DSCAM: variants seen among roughly 807,000 people sequenced by gnomAD.
DSCAM encodes the protein DS cell adhesion molecule, also known as cell adhesion molecule DSCAM.
A neutral mutation model predicts 217.7 loss-of-function variants in DSCAM; 47 were observed. The ratio of observed to expected loss-of-function variants is 0.22; its 90% CI spans 0.17 to 0.28. DSCAM has a LOEUF of 0.28. DSCAM is among the 10% of genes least tolerant of loss of function. The probability of loss-of-function intolerance (pLI) is 1.00; values close to 1 mark genes in which losing one functional copy is unlikely to be tolerated. For synonymous variants in DSCAM, 1,056 were observed against 1,015.3 expected (o/e 1.04, Z -0.76); for missense variants, 2,080 against 2,618.3 (o/e 0.79, Z 4.49).
chr21:40,233,077 T>C (rs1490980292), intron 11 of DSCAM, among the ~76,000 whole-genome samples: 1 of 152,140 alleles, frequency 6.6e-6, no homozygotes, highest in African/African-American at 2.4e-5. Flanking sequence ...CTATTGGGTA[T>C]TATGCTTATT....
Position 40,339,347 on chromosome 21 carries a change from T to G in DSCAM, c.1279A>C (p.Met427Leu). 6.2e-7 allele frequency: 1 copy of G among 1,614,070 alleles called. No individual in the cohort carries two copies. Among genetic ancestry groups the G allele is most frequent in the Non-Finnish European group, 8.5e-7 (1 of 1,180,008 alleles). Residue 427 changes from methionine (M) to leucine (L), a missense_variant, in exon 7 of 33, where the codon ATG (methionine) becomes CTG (leucine). By Grantham distance (15) the Met-to-Leu change is conservative. Transcript: ENST00000400454. ...VVSPAEPVSL[M>L]CNVKGTPLPT... ...AAAGGTGTTCCCTTCACGTTGCACA[T>G]AAGGGAAACCGGCTCTGCTGGACTC...
intron 3 of DSCAM, among the ~76,000 whole-genome samples, chr21:40,576,915 A>C (rs974607474): frequency 3.7e-4 from 56 of 152,008 alleles, no homozygotes; most frequent in African/African-American, 1.3e-3. Context: ...GAGTTAGAGA[A>C]AACGCCACAC....
At chr21:40,377,822 T>C (rs1377977244) in intron 3 of DSCAM, among the ~76,000 whole-genome samples, 1 of 152,114 alleles carries the variant, frequency 6.6e-6, no homozygotes, top group Non-Finnish European at 1.5e-5. Context: ...AGAGGACTTC[T>C]AAAGGATGCT....
In DSCAM at chr21:40,016,065, T is replaced by C. The variant is rs141725929; in HGVS notation, c.5687-2679A>G. On this transcript the variant is annotated intron_variant, in intron 32 of 32. Transcript: ENST00000400454. This position sits in a 1 kb window ranked among gnomAD's most constrained non-coding sequence, Gnocchi z 4.3. ...CTTGGCACACCTGTAACTCGTGACA[T>C]ACCAGGTGCAAAACTCTGTCTAGAG... Among the ~76,000 whole-genome samples the C allele has an allele frequency of 2.5e-3, 380 of 152,306 alleles. No individual in the cohort carries two copies. Among genetic ancestry groups the C allele is most frequent in the Non-Finnish European group, 3.9e-3 (262 of 68,020 alleles).
Position 40,455,053 on chromosome 21 carries a change from T to G in DSCAM, c.509-85808A>C, listed in dbSNP as rs1388714749. On this transcript the variant is annotated intron_variant, in intron 3 of 32. Coordinates refer to ENST00000400454, the MANE Select transcript of DSCAM (RefSeq NM_001389.5). ...GGGATGACTCCTACTAATCTAGTTA[T>G]GCTTTCCCCGCTCCAAATAAACCTT... Among the ~76,000 whole-genome samples the G allele has an allele frequency of 4.6e-5, 7 of 152,198 alleles. No individual in the cohort carries two copies. In the East Asian group the frequency reaches 1.3e-3, roughly 29 times the overall value.
chr21:40,766,106 C>T (rs2837812), intron 1 of DSCAM, among the ~76,000 whole-genome samples: 5,933 of 152,134 alleles, frequency 0.039, 394 homozygotes, highest in African/African-American at 0.13. Context: ...AAATTGCGGC[C>T]GTTTCCCTCC....
intron 3 of DSCAM, among the ~76,000 whole-genome samples, chr21:40,415,921 T>C (rs1601625292): frequency 1.3e-5 from 2 of 152,332 alleles, no homozygotes; most frequent in East Asian, 3.9e-4. Context: ...ATAGGTTTTA[T>C]AGCTCAGATT....
rs571978762 is a variant in DSCAM, at chr21:40,773,330, C to G, written c.44-64559G>C. ...CCATGCCTCTCTTAGCTTCTGGTAT[C>G]TGCCAGCAATCTTTGGCATACTTTG... On this transcript the variant is annotated intron_variant, in intron 1 of 32. Coordinates refer to ENST00000400454, the MANE Select transcript of DSCAM (RefSeq NM_001389.5). 2.0e-5 allele frequency among the ~76,000 whole-genome samples: 3 copies of G among 152,350 alleles called. No homozygotes were observed. In the South Asian group the frequency reaches 6.2e-4, roughly 32 times the overall value.
intron 3 of DSCAM, among the ~76,000 whole-genome samples, chr21:40,518,588 A>ATG: frequency 3.3e-5 from 3 of 90,090 alleles, no homozygotes; most frequent in African/African-American, 1.8e-4. Context: ...ACACACATAT[A>ATG]CACACACACA....
At chr21:40,325,807 T>C (rs1408456885) in intron 8 of DSCAM, among the ~76,000 whole-genome samples, 2 of 152,188 alleles carry the variant, frequency 1.3e-5, no homozygotes, top group Non-Finnish European at 2.9e-5. Flanking sequence ...AATGCATAGC[T>C]GGTGGTAAAG....
At chr21:40,503,004 G>A (rs930264601) in intron 3 of DSCAM, among the ~76,000 whole-genome samples, 2 of 152,114 alleles carry the variant, frequency 1.3e-5, no homozygotes, top group African/African-American at 4.8e-5. Context: ...GGTTAAGAAC[G>A]TCTCATTTGC....
At chr21:40,257,050 T>C (rs2073382089) in intron 11 of DSCAM, among the ~76,000 whole-genome samples, 1 of 152,216 alleles carries the variant, frequency 6.6e-6, no homozygotes, top group South Asian at 2.1e-4. Flanking sequence ...AAGTTGACAA[T>C]ACTTAAATAC....
chr21:40,661,197 ACT>A (rs1846144572), intron 3 of DSCAM, among the ~76,000 whole-genome samples: 1 of 152,234 alleles, frequency 6.6e-6, no homozygotes, highest in Non-Finnish European at 1.5e-5. Flanking sequence ...TGAAAAATAC[ACT>A]GTGTTAGTTT....
At chr21:40,412,859 A>C (rs2075335793) in intron 3 of DSCAM, among the ~76,000 whole-genome samples, 1 of 152,168 alleles carries the variant, frequency 6.6e-6, no homozygotes, top group South Asian at 2.1e-4. Flanking sequence ...CCCATCACAG[A>C]CCTGAAGGAA....
chr21:40,265,771 T>C (rs1158759150), intron 11 of DSCAM, among the ~76,000 whole-genome samples: 1 of 152,180 alleles, frequency 6.6e-6, no homozygotes, highest in Non-Finnish European at 1.5e-5. Context: ...ATACAACTTA[T>C]TCAATAAACG....
At chr21:40,158,653 C>T (rs2090506057) in intron 16 of DSCAM, among the ~76,000 whole-genome samples, 1 of 152,136 alleles carries the variant, frequency 6.6e-6, no homozygotes, top group Non-Finnish European at 1.5e-5. Flanking sequence ...GTCTTGTTTC[C>T]TAAATTCACT....
chr21:40,791,933 T>C (rs900158132), intron 1 of DSCAM, among the ~76,000 whole-genome samples: 1 of 152,010 alleles, frequency 6.6e-6, no homozygotes, highest in African/African-American at 2.4e-5. Flanking sequence ...TCTTAGTTGG[T>C]CTGGGCTGCC....
At chr21:40,600,143 A>T (rs1217132055) in intron 3 of DSCAM, among the ~76,000 whole-genome samples, 1 of 152,214 alleles carries the variant, frequency 6.6e-6, no homozygotes, top group Non-Finnish European at 1.5e-5. Flanking sequence ...TGGCAGAGAT[A>T]CAACAATAAA....
chr21:40,081,977 G>C (rs2089468844), intron 24 of DSCAM, among the ~76,000 whole-genome samples: 2 of 152,092 alleles, frequency 1.3e-5, no homozygotes, highest in South Asian at 4.2e-4. Context: ...CTAAAACCTA[G>C]GGTCCCTCGA....
Sources: gnomAD v4.1 joint callset for allele counts (sites outside exome capture counted in the v4.1 genomes callset) on GRCh38, gnomAD v4.1.1 for gene constraint, Gnocchi (gnomAD v3.1) non-coding constraint, MANE v1.5 for transcripts, NCBI Gene and HGNC (gene_info 2026-07-23, HGNC 2026-07-21) for gene names.